APOBEC1: variants seen among roughly 807,000 people sequenced by gnomAD.
The protein encoded by APOBEC1 is C->U-editing enzyme APOBEC-1.
Under a neutral mutation model 26.3 loss-of-function variants are expected in APOBEC1, and 22 were observed. The observed-to-expected ratio is 0.84, with a 90% confidence interval of 0.60 to 1.19. The LOEUF is 1.19. Ranked by LOEUF, APOBEC1 falls within the 50% of genes most tolerant of loss-of-function variation. The pLI is 0.00. For synonymous variants in APOBEC1, 77 were observed against 95.3 expected (o/e 0.81, Z 1.12); for missense variants, 253 against 289.0 (o/e 0.88, Z 0.90).
chr12:7,663,692 T>A lies in APOBEC1; in HGVS notation c.16+2165A>T, dbSNP rs764184943. Among the ~76,000 whole-genome samples, 15 of 152,212 alleles carry A rather than the reference T, an allele frequency of 9.9e-5. No homozygotes were observed. In the South Asian group the frequency reaches 3.1e-3, roughly 32 times the overall value. ...GAGACATATGCTGTGTCTACACTGA[T>A]CAATATTATTCCTGGGATGCAAAGA... On this transcript the variant is annotated intron_variant, in intron 1 of 4. Coordinates refer to ENST00000229304, the MANE Select transcript of APOBEC1 (RefSeq NM_001644.5).
upstream of APOBEC1, among the ~76,000 whole-genome samples, chr12:7,667,929 A>AT (rs1037170003): frequency 5.3e-5 from 8 of 151,568 alleles, no homozygotes; most frequent in Non-Finnish European, 1.2e-4. Context: ...AAAGAAAAAA[A>AT]AAAAAAGGTA....
At chr12:7,651,485 G>A (rs1592056437) in intron 3 of APOBEC1, among the ~76,000 whole-genome samples, 1 of 151,922 alleles carries the variant, frequency 6.6e-6, no homozygotes, top group East Asian at 2.0e-4. Flanking sequence ...GTGGTGGTGG[G>A]CGCCTGTAGT....
In APOBEC1 at chr12:7,651,146, G is replaced by A. The variant is rs1863632257; in HGVS notation, c.443-5C>T. 6.9e-6 allele frequency: 11 copies of A among 1,596,650 alleles called. No individual in the cohort carries two copies. Among genetic ancestry groups the A allele is most frequent in the Non-Finnish European group, 9.4e-6 (11 of 1,164,322 alleles). On this transcript the variant is annotated splice_region_variant and splice_polypyrimidine_tract_variant and intron_variant, in intron 3 of 4. Transcript: ENST00000229304. Reference sequence around the variant, plus strand: ...TCCTCCAGCAGTGATAATACTCTAAGGAAACACAAATCTTGGCTCATTCAA... The same window carrying A: ...TCCTCCAGCAGTGATAATACTCTAAAGAAACACAAATCTTGGCTCATTCAA...
chr12:7,656,370 C>T (rs985538719), intron 1 of APOBEC1, among the ~76,000 whole-genome samples: 1 of 152,116 alleles, frequency 6.6e-6, no homozygotes, highest in Non-Finnish European at 1.5e-5. Context: ...GTGGCCCCGG[C>T]TTTGGAGTGA....
rs753365818 is a variant in APOBEC1 at position 7,652,672 on chromosome 12, A to AT, written c.207dup (p.Phe70IlefsTer32). 1.9e-6 allele frequency: 3 copies of AT among 1,613,988 alleles called. No homozygotes were observed. The highest frequency in any genetic ancestry group is 2.2e-5 in the East Asian group (1 of 44,880). ...GGGTGAAAATCTCTTTCTGACGTAA[A>AT]TTTTTTTATAAAATTAACTTCCACG... On this transcript the variant is annotated frameshift_variant, in exon 3 of 5. Coordinates refer to ENST00000229304, the MANE Select transcript of APOBEC1 (RefSeq NM_001644.5). LOFTEE classifies it high-confidence loss of function.
Position 7,649,601 on chromosome 12 carries a change from C to T in APOBEC1, c.657G>A (p.Pro219=), listed in dbSNP as rs1031475367. The change falls in exon 5 of 5, where the codon CCG becomes CCA. Residue 219 remains proline, a synonymous_variant. Coordinates refer to ENST00000229304, the MANE Select transcript of APOBEC1 (RefSeq NM_001644.5). The part of the protein sequence containing the change: ...HLQNCHYQTI[P]PHILLATGLI... ...GCCCTGTAGCTAAAAGGATGTGTGGCGGAATCGTTTGGTAATGGCAGTTTT... is the reference window on the plus strand; with the variant it reads ...GCCCTGTAGCTAAAAGGATGTGTGGTGGAATCGTTTGGTAATGGCAGTTTT... 17 of 1,613,946 alleles carry T rather than the reference C, an allele frequency of 1.1e-5. No individual in the cohort carries two copies. The highest frequency in any genetic ancestry group is 1.4e-5 in the Non-Finnish European group (17 of 1,179,986).
intron 1 of APOBEC1, among the ~76,000 whole-genome samples, chr12:7,662,303 C>T (rs1863831378): frequency 1.3e-5 from 2 of 151,476 alleles, no homozygotes; most frequent in African/African-American, 2.4e-5. Context: ...AAAAGACGGC[C>T]GGGTACGGTG....
upstream of APOBEC1, among the ~76,000 whole-genome samples, chr12:7,669,263 C>T (rs1038969778): frequency 6.6e-6 from 1 of 151,532 alleles, no homozygotes; most frequent in East Asian, 1.9e-4. Flanking sequence ...CGGGGTTTCA[C>T]CATGTTGGCC....
At chr12:7,660,332 A>AGGG (rs1863789683) in intron 1 of APOBEC1, among the ~76,000 whole-genome samples, 10 of 100,640 alleles carry the variant, frequency 9.9e-5, no homozygotes, top group South Asian at 4.2e-4. Flanking sequence ...GGAAGGAAGG[A>AGGG]AGGGAAGGAA....
In APOBEC1 at chr12:7,651,106, G is replaced by C; in HGVS notation, c.478C>G (p.Pro160Ala). The change falls in exon 4 of 5, where the codon CCA (proline) becomes GCA (alanine). Residue 160 changes from proline (P) to alanine (A), a missense_variant. Physicochemically the swap from Pro to Ala is conservative, Grantham distance 27. Transcript: ENST00000229304. ...GGCCAGTGAGCTTCATCCCCAGGTGGGTAGTTGACAAAATTCCTCCAGCAG... is the reference window on the plus strand; with the variant it reads ...GGCCAGTGAGCTTCATCCCCAGGTGCGTAGTTGACAAAATTCCTCCAGCAG... ...YHCWRNFVNY[P>A]PGDEAHWPQY... 1 of 1,614,026 alleles carries C rather than the reference G, an allele frequency of 6.2e-7. No homozygotes were observed.
At chr12:7,668,183 G>A (rs1228269923), upstream of APOBEC1, among the ~76,000 whole-genome samples, 1 of 152,056 alleles carries the variant, frequency 6.6e-6, no homozygotes, top group African/African-American at 2.4e-5. Flanking sequence ...GGCTCAAAGG[G>A]AGCCACGATT....
intron 1 of APOBEC1, among the ~76,000 whole-genome samples, chr12:7,655,831 G>A (rs1259274319): frequency 6.6e-6 from 1 of 152,014 alleles, no homozygotes; most frequent in Middle Eastern, 3.2e-3. Flanking sequence ...CCTACAAAAT[G>A]TAAAATTAGC....
chr12:7,649,766 CA>C (rs1387397361), intron 4 of APOBEC1, 70 bp from the exon 5 acceptor site: 1 of 1,162,056 alleles, frequency 8.6e-7, no homozygotes, highest in Non-Finnish European at 1.2e-6. Flanking sequence ...TCACCACAAA[CA>C]TTTAAAAATG....
chr12:7,656,237 G>T (rs1053372425), intron 1 of APOBEC1, among the ~76,000 whole-genome samples: 4 of 151,736 alleles, frequency 2.6e-5, no homozygotes, highest in Admixed American at 1.3e-4. Context: ...CATGACCCTG[G>T]TCAGATTACT....
At chr12:7,666,034 G>A, upstream of APOBEC1, 2 of 761,526 alleles carry the variant, frequency 2.6e-6, no homozygotes. Context: ...GTACAAACAG[G>A]GGGCCGACTG....
intron 3 of APOBEC1, among the ~76,000 whole-genome samples, chr12:7,651,470 C>T (rs367890578): frequency 1.3e-5 from 2 of 151,824 alleles, no homozygotes; most frequent in South Asian, 2.1e-4. Context: ...AAAAATTAGC[C>T]GGGCGTGGTG....
upstream of APOBEC1, among the ~76,000 whole-genome samples, chr12:7,666,358 A>T (rs752807815): frequency 2.0e-5 from 3 of 151,838 alleles, no homozygotes; most frequent in East Asian, 5.8e-4. Context: ...CAATGGCACA[A>T]TCTTGGCTCA....
At chr12:7,651,431 A>G (rs942535268) in intron 3 of APOBEC1, among the ~76,000 whole-genome samples, 2 of 151,936 alleles carry the variant, frequency 1.3e-5, no homozygotes, top group African/African-American at 4.8e-5. Flanking sequence ...TGCCTAACAC[A>G]GTGAAACCCC....
rs1863658189 is a variant in APOBEC1 at position 7,652,568 on chromosome 12, CAG to C, written c.310_311del (p.Leu104GlufsTer32). On this transcript the variant is annotated frameshift_variant, in exon 3 of 5. Transcript: ENST00000229304. LOFTEE classifies it high-confidence loss of function. The part of the protein sequence containing the change: ...WECSQAIREF[L>X]SRHPGVTLVI... ...CTAGAGTCACACCAGGGTGCCGACT[CAG>C]AAACTCTCTAATAGCCTGGGAGCAT... 1 of 1,614,130 alleles carries C rather than the reference CAG, an allele frequency of 6.2e-7. No homozygotes were observed. Among genetic ancestry groups the C allele is most frequent in the Admixed American group, 1.7e-5 (1 of 60,008 alleles).
Sources: allele counts gnomAD v4.1 joint callset (sites outside exome capture counted in the v4.1 genomes callset), GRCh38; gene constraint gnomAD v4.1.1; transcripts MANE v1.5; gene names NCBI Gene and HGNC (gene_info 2026-07-23, HGNC 2026-07-21).